Variants in KMT2E observed in about 807,000 individuals in gnomAD.
The protein encoded by KMT2E is histone reader KMT2E.
A neutral mutation model predicts 184.6 loss-of-function variants in KMT2E; 30 were observed. That is an observed-to-expected ratio of 0.16 (90% CI 0.12 to 0.22). The LOEUF is 0.22. KMT2E is among the 10% of genes least tolerant of loss of function. KMT2E has a pLI of 1.00. For missense variants in KMT2E, 2,023 were observed against 2,237.4 expected, an observed-to-expected ratio of 0.90 and a Z score of 1.93; for synonymous variants, 815 against 776.5, an observed-to-expected ratio of 1.05 and a Z score of -0.82.
chr7:105,093,561 G>A (rs1186936823), intron 15 of KMT2E, among the ~76,000 whole-genome samples: 2 of 152,154 alleles, frequency 1.3e-5, no homozygotes, highest in Non-Finnish European at 2.9e-5. Flanking sequence ...GCATGTGACT[G>A]TAATCGCAGC....
chr7:105,051,034 TTTCTTTCTTTCC>T (rs963433185), intron 3 of KMT2E, among the ~76,000 whole-genome samples: 12 of 151,616 alleles, frequency 7.9e-5, no homozygotes, highest in Non-Finnish European at 1.8e-4. Context: ...GCCTCATCTA[TTTCTTTCTTTCC>T]TTCTTTCTTT....
intron 17 of KMT2E, chr7:105,105,164 CA>C (rs996640075): frequency 0.014 from 3,143 of 230,354 alleles, 2 homozygotes; most frequent in Middle Eastern, 0.022. Flanking sequence ...TATCTTGTCT[CA>C]AAAAAAAAAG....
intron 17 of KMT2E, chr7:105,103,405 CAT>C (rs1798743157): frequency 6.6e-6 from 1 of 152,326 alleles, no homozygotes; most frequent in African/African-American, 2.4e-5. Context: ...TTTAATAATA[CAT>C]GTCACTTTTT....
intron 4 of KMT2E, 104 bp from the exon 5 acceptor site, chr7:105,063,247 C>T (rs899572664): frequency 5.0e-6 from 4 of 804,628 alleles, no homozygotes; most frequent in Non-Finnish European, 7.7e-6. Context: ...AGTCTCATAT[C>T]TCTTGAGTAT....
At position 105,102,464 on chromosome 7, in the gene KMT2E, A is replaced by C. The variant is rs1798694673; in HGVS notation, c.2196+270A>C. Reference sequence around the variant, plus strand: ...TTAAATAAGTTTGTCTACTTTATGTACAAAATATATACTTCTCTGAAACTG... The same window carrying C: ...TTAAATAAGTTTGTCTACTTTATGTCCAAAATATATACTTCTCTGAAACTG... On this transcript the variant is annotated intron_variant, in intron 17 of 26. Coordinates refer to ENST00000311117, the MANE Select transcript of KMT2E (RefSeq NM_182931.3). 3 of 270,314 alleles carry C rather than the reference A, an allele frequency of 1.1e-5. No individual in the cohort carries two copies. The Admixed American group carries it at 1.7e-4, about 15-fold the overall frequency. The allele number at this position is 270,314 out of a possible 1,614,324, so 16.7% of individuals were successfully genotyped here.
intron 15 of KMT2E, among the ~76,000 whole-genome samples, chr7:105,100,282 T>C (rs1448377886): frequency 6.6e-6 from 1 of 152,178 alleles, no homozygotes; most frequent in Non-Finnish European, 1.5e-5. Context: ...ACAACAAAAA[T>C]ACAGGAACAG....
In KMT2E at chr7:105,112,723, T is replaced by G; in HGVS notation, c.4967T>G (p.Val1656Gly). The change falls in exon 27 of 27, where the codon GTA becomes GGA. Residue 1656 changes from valine to glycine, a missense_variant. Val to Gly is a moderately radical substitution (Grantham distance 109). This residue lies in a region of KMT2E where 1,108 missense variants were observed against 1,050.9 expected (regional missense o/e 1.05). Transcript: ENST00000311117. The part of the protein sequence containing the change: ...SHQQHSVAHV[V>G]GPVHAVTPGS... ...CAGCAACACTCTGTAGCACATGTAG[T>G]AGGGCCTGTTCATGCGGTCACCCCT... 1 of 1,613,842 alleles carries G rather than the reference T, an allele frequency of 6.2e-7. No homozygotes were observed. Among genetic ancestry groups the G allele is most frequent in the South Asian group, 1.1e-5 (1 of 91,056 alleles).
At chr7:105,067,197 A>G in intron 6 of KMT2E, among the ~76,000 whole-genome samples, 1 of 151,966 alleles carries the variant, frequency 6.6e-6, no homozygotes, top group Non-Finnish European at 1.5e-5. Flanking sequence ...CAACTCTAAA[A>G]TCAGGAAAAT....
Position 105,107,409 on chromosome 7 carries a change from T to A in KMT2E, c.2952T>A (p.Asn984Lys), listed in dbSNP as rs761077494. 6.2e-7 allele frequency: 1 copy of A among 1,607,442 alleles called. No homozygotes were observed. Among genetic ancestry groups the A allele is most frequent in the Non-Finnish European group, 8.5e-7 (1 of 1,177,678 alleles). The change falls in exon 22 of 27, where the codon AAT (asparagine) becomes AAA (lysine). Residue 984 changes from asparagine to lysine, a missense_variant. By Grantham distance (94) the Asn-to-Lys change is moderately conservative. Around this residue, in one of 8 missense-constraint regions of KMT2E, gnomAD observed 514 missense variants for 621.8 expected, o/e 0.83. Transcript: ENST00000311117. ...TGTTAACATTGGGGCCTTTTAGAAA[T>A]TCTAATTTAACTGAACTGGGTCTGC... ...STMLTLGPFR[N>K]SNLTELGLQE...
intron 15 of KMT2E, among the ~76,000 whole-genome samples, chr7:105,100,818 T>A (rs1798623525): frequency 6.6e-6 from 1 of 152,166 alleles, no homozygotes; most frequent in South Asian, 2.1e-4. Flanking sequence ...GAGAAGTTCA[T>A]CATAAATGAA....
intron 15 of KMT2E, among the ~76,000 whole-genome samples, chr7:105,097,143 CTTCA>C (rs1798442365): frequency 1.3e-5 from 2 of 152,174 alleles, no homozygotes; most frequent in Admixed American, 1.3e-4. Flanking sequence ...ACTTGACTGA[CTTCA>C]TTTAGAAAAT....
intron 3 of KMT2E, chr7:105,061,828 A>G (rs866347812): frequency 2.7e-5 from 5 of 182,934 alleles, no homozygotes; most frequent in Middle Eastern, 2.1e-3. Context: ...GTCTTGCTTA[A>G]ATTATTTCTA....
intron 17 of KMT2E, chr7:105,103,053 T>G (rs1445485127): frequency 6.6e-6 from 1 of 152,118 alleles, no homozygotes; most frequent in Non-Finnish European, 1.5e-5. Context: ...AAGTCTGTAC[T>G]CTCCTTACTG....
intron 3 of KMT2E, among the ~76,000 whole-genome samples, chr7:105,057,871 CAA>C (rs1245065470): frequency 6.6e-6 from 1 of 152,182 alleles, no homozygotes; most frequent in African/African-American, 2.4e-5. Context: ...TATTATATAA[CAA>C]AATTAACATA....
At chr7:105,042,783 AAG>A (rs1248900378) in intron 3 of KMT2E, among the ~76,000 whole-genome samples, 2 of 152,218 alleles carry the variant, frequency 1.3e-5, no homozygotes, top group Non-Finnish European at 2.9e-5. Context: ...AATAGATTGT[AAG>A]AGAGAGAAAA....
chr7:105,058,297 G>A (rs1484069050), intron 3 of KMT2E, among the ~76,000 whole-genome samples: 1 of 152,058 alleles, frequency 6.6e-6, no homozygotes, highest in Non-Finnish European at 1.5e-5. Context: ...CATAGCATTA[G>A]GAGAGGCAAA....
intron 13 of KMT2E, among the ~76,000 whole-genome samples, chr7:105,083,776 C>T (rs1307219404): frequency 6.6e-6 from 1 of 152,164 alleles, no homozygotes; most frequent in Non-Finnish European, 1.5e-5. Flanking sequence ...GGCAGATACT[C>T]TTTCTCCTCA....
chr7:105,077,806 C>T (rs941095063), intron 11 of KMT2E: 2 of 187,242 alleles, frequency 1.1e-5, no homozygotes, highest in Admixed American at 5.5e-5. Context: ...TTCCTCATAA[C>T]GTAATAGCCG....
intron 15 of KMT2E, among the ~76,000 whole-genome samples, chr7:105,096,726 T>TA (rs1554398433): frequency 2.0e-5 from 3 of 152,206 alleles, no homozygotes; most frequent in African/African-American, 2.4e-5. Context: ...TGAGGAAAGA[T>TA]AGACAGACAG....
Sources: allele counts gnomAD v4.1 joint callset (sites outside exome capture counted in the v4.1 genomes callset), GRCh38; gene constraint gnomAD v4.1.1; regional missense constraint gnomAD v4.1.1; transcripts MANE v1.5; gene names NCBI Gene and HGNC (gene_info 2026-07-23, HGNC 2026-07-21).